The following SPTY2D1 variants were observed in gnomAD, a reference collection of about 807,000 sequenced individuals.
SPTY2D1 encodes protein SPT2 homolog.
Under a neutral mutation model 64.0 loss-of-function variants are expected in SPTY2D1, and 21 were observed. The ratio of observed to expected loss-of-function variants is 0.33; its 90% CI spans 0.23 to 0.47. SPTY2D1 has a LOEUF of 0.47. Among genes scored for constraint, SPTY2D1 ranks in the 20% least tolerant of loss-of-function variants. The pLI, the probability that SPTY2D1 is intolerant of heterozygous loss-of-function variation, is 1.00. For synonymous variants in SPTY2D1, 287 were observed against 286.8 expected (o/e 1.00, Z -0.01); for missense variants, 724 against 837.2 (o/e 0.86, Z 1.67).
In SPTY2D1 at chr11:18,612,228, TC is replaced by T; in HGVS notation, c.1886+85del. 1 of 1,079,076 alleles carries T rather than the reference TC, an allele frequency of 9.3e-7. No homozygotes were observed. The allele number at this position is 1,079,076 out of a possible 1,614,324, so 66.8% of individuals were successfully genotyped here. On this transcript the variant is annotated intron_variant, in intron 4 of 5. Transcript: ENST00000336349. This position sits in a 1 kb window ranked among gnomAD's most constrained non-coding sequence, Gnocchi z 4.6. ...CTAATTAAGAATTGTATTCAGTGCC[TC>T]CACTATTAGTTTATTACCCCATGAC...
In SPTY2D1 at chr11:18,614,751, T is replaced by C; in HGVS notation, c.1523A>G (p.Asn508Ser). 2 of 1,613,618 alleles carry C rather than the reference T, an allele frequency of 1.2e-6. No homozygotes were observed. Among genetic ancestry groups the C allele is most frequent in the African/African-American group, 2.7e-5 (2 of 75,066 alleles). The change falls in exon 3 of 6, where the codon AAT becomes AGT. Residue 508 changes from asparagine (N) to serine (S), a missense_variant. Asn to Ser is a conservative substitution (Grantham distance 46). Around this residue, in one of 3 missense-constraint regions of SPTY2D1, gnomAD observed 426 missense variants for 431.8 expected, o/e 0.99. Transcript: ENST00000336349. ...GSIPAGRTVS[N>S]SVPGRPVSSL... ...GCTCACTGGTCTTCCTGGGACTGAA[T>C]TACTGACAGTCCGTCCAGCTGGAAT...
intron 1 of SPTY2D1, among the ~76,000 whole-genome samples, chr11:18,633,392 T>A (rs1208709893): frequency 6.6e-6 from 1 of 152,230 alleles, no homozygotes; most frequent in Non-Finnish European, 1.5e-5. Context: ...GGGTACCATC[T>A]GAAAATCTGG....
At chr11:18,613,504 T>C (rs1426013974) in intron 3 of SPTY2D1, among the ~76,000 whole-genome samples, 1 of 152,224 alleles carries the variant, frequency 6.6e-6, no homozygotes, top group Non-Finnish European at 1.5e-5. Flanking sequence ...GGCTATCCCA[T>C]GCATTGTTTG....
rs12795249 is a variant in SPTY2D1 at position 18,615,413 on chromosome 11, C to T, written c.861G>A (p.Arg287=). ...AGCTATTGCCAGATCCTGCCTTGAT[C>T]CTCTCTCCTGGCATGGATTTGGATG... ...LSSSKSMPGE[R]IKAGSGNSSQ... The change falls in exon 3 of 6, where the codon AGG becomes AGA. Residue 287 remains arginine (R), a synonymous_variant. Transcript: ENST00000336349. 0.015 allele frequency: 24,300 copies of T among 1,614,194 alleles called. 254 individuals are homozygous for T. Among genetic ancestry groups the T allele is most frequent in the Middle Eastern group, 0.033 (203 of 6,060 alleles).
Position 18,615,284 on chromosome 11 carries a change from G to A in SPTY2D1, c.990C>T (p.Ser330=), listed in dbSNP as rs760220402. 6.2e-7 allele frequency: 1 copy of A among 1,614,202 alleles called. No homozygotes were observed. The highest frequency in any genetic ancestry group is 2.2e-5 in the East Asian group (1 of 44,886). ...SSPSVPKTSA[S]RTQKSAVEHK... ...GCTCAACAGCAGATTTCTGAGTCCT[G>A]CTAGCAGAAGTCTTTGGGACACTTG... The change falls in exon 3 of 6, where the codon AGC becomes AGT. Residue 330 remains serine, a synonymous_variant. Transcript: ENST00000336349.
intron 1 of SPTY2D1, among the ~76,000 whole-genome samples, chr11:18,632,214 T>G (rs1854600017): frequency 6.6e-6 from 1 of 152,120 alleles, no homozygotes; most frequent in Non-Finnish European, 1.5e-5. Context: ...CCTCAATAGT[T>G]TCTTTTGTGA....
chr11:18,609,592 T>C lies in SPTY2D1; in HGVS notation c.*269A>G, dbSNP rs1565157343. ...GTGAGTGGCCCCACATTAGAGTGCA[T>C]AGCTCATCAGGATCAAGGCTGGCAT... On this transcript the variant is annotated 3_prime_UTR_variant, in exon 6 of 6. Coordinates refer to ENST00000336349, the MANE Select transcript of SPTY2D1 (RefSeq NM_194285.3). 4 of 448,740 alleles carry C rather than the reference T, an allele frequency of 8.9e-6. No homozygotes were observed. In the Admixed American group the frequency reaches 1.2e-4, roughly 13 times the overall value. The allele number at this position is 448,740 out of a possible 1,614,324, so 27.8% of individuals were successfully genotyped here. A position where few individuals can be genotyped will look rare whatever the true frequency, so the allele number is the denominator to read the frequency against.
rs71050616 is a variant in SPTY2D1, at chr11:18,617,625, C to CAAA, written c.61-639_61-637dup. ...CGGGCGACAAAGTAAGACTCCGTCT[C>CAAA]AAAAAAAAAAAAAAAAAAAAAAAAA... On this transcript the variant is annotated intron_variant, in intron 1 of 5. Transcript: ENST00000336349. Among the ~76,000 whole-genome samples the CAAA allele has an allele frequency of 1.6e-3, 106 of 66,352 alleles. 1 individual carries two copies. The East Asian group carries it at 0.023, about 14-fold the overall frequency. 43.5% of individuals were successfully genotyped at this position (66,352 alleles called of 152,430 possible).
rs193144750 is a variant in SPTY2D1 at position 18,616,133 on chromosome 11, C to T, written c.176-35G>A. The T allele has an allele frequency of 8.3e-4, 1,274 of 1,535,224 alleles. 6 individuals are homozygous for T. The highest frequency in any genetic ancestry group is 4.6e-3 in the Admixed American group (225 of 48,942). On this transcript the variant is annotated intron_variant, in intron 2 of 5. Coordinates refer to ENST00000336349, the MANE Select transcript of SPTY2D1 (RefSeq NM_194285.3). ...ACAAAACAAGAATATGTTATTACTT[C>T]GAGATCTCAAGATTGCAGTATGCTC... is the stretch of plus-strand genomic sequence containing the variant.
Position 18,612,397 on chromosome 11 carries a change from C to A in SPTY2D1, c.1803G>T (p.Met601Ile). 6.2e-7 allele frequency: 1 copy of A among 1,611,300 alleles called. No homozygotes were observed. The highest frequency in any genetic ancestry group is 8.5e-7 in the Non-Finnish European group (1 of 1,178,184). ...DDDDDEYDSE[M>I]EDFIEDEGEP... ...CTCCTTCATCTTCAATAAAATCTTC[C>A]ATTTCAGAGTCGTATTCATCATCAT... The change falls in exon 4 of 6, where the codon ATG (methionine) becomes ATT (isoleucine). Residue 601 changes from methionine (M) to isoleucine (I), a missense_variant. Physicochemically the swap from Met to Ile is conservative, Grantham distance 10 (BLOSUM62 1). Coordinates refer to ENST00000336349, the MANE Select transcript of SPTY2D1 (RefSeq NM_194285.3). This position sits in a 1 kb window ranked among gnomAD's most constrained non-coding sequence, Gnocchi z 4.6.
Position 18,615,917 on chromosome 11 carries a change from G to A in SPTY2D1, c.357C>T (p.Thr119=), listed in dbSNP as rs976264170. 10 of 1,614,030 alleles carry A rather than the reference G, an allele frequency of 6.2e-6. No homozygotes were observed. Among genetic ancestry groups the A allele is most frequent in the Middle Eastern group, 1.6e-4 (1 of 6,062 alleles). The change falls in exon 3 of 6, where the codon ACC becomes ACT. Residue 119 remains threonine (T), a synonymous_variant. Coordinates refer to ENST00000336349, the MANE Select transcript of SPTY2D1 (RefSeq NM_194285.3). ...CTTCTTCCATTTCATACTCTCGGTC[G>A]GTTCCTTGGCTGGTATGGCTTTCTG... ...QATESHTSQG[T]DREYEMEEEN...
At chr11:18,623,441 A>C (rs1590404376) in intron 1 of SPTY2D1, among the ~76,000 whole-genome samples, 1 of 151,074 alleles carries the variant, frequency 6.6e-6, no homozygotes, top group East Asian at 1.9e-4. Flanking sequence ...GAAATCGTAT[A>C]ATATGTAGCT....
At chr11:18,610,173 C>T in intron 5 of SPTY2D1, 1 of 449,368 alleles carries the variant, frequency 2.2e-6, no homozygotes, top group East Asian at 3.4e-5. Flanking sequence ...ACCACAAAAA[C>T]CTTACTATTT....
At position 18,615,496 on chromosome 11, in the gene SPTY2D1, G is replaced by A; in HGVS notation, c.778C>T (p.His260Tyr). ...CTGGGTCTTGATTTCTTCTCAGCAT[G>A]AGGAAGGGGCATTCCTTTGGAAGAA... The part of the protein sequence containing the change: ...HPSSKGMPLP[H>Y]AEKKSRPSMA... Residue 260 changes from histidine to tyrosine, a missense_variant, in exon 3 of 6, where the codon CAT becomes TAT. Coordinates refer to ENST00000336349, the MANE Select transcript of SPTY2D1 (RefSeq NM_194285.3). The A allele has an allele frequency of 1.2e-6, 2 of 1,614,216 alleles. No individual in the cohort carries two copies. The highest frequency in any genetic ancestry group is 1.7e-6 in the Non-Finnish European group (2 of 1,180,050).
At chr11:18,623,632 T>TGG (rs1393800633) in intron 1 of SPTY2D1, among the ~76,000 whole-genome samples, 2 of 152,188 alleles carry the variant, frequency 1.3e-5, no homozygotes, top group Non-Finnish European at 2.9e-5. Context: ...AATGAAGGCA[T>TGG]AAGAGCAAAA....
chr11:18,617,625 CAAAAAAAAAA>C (rs71050616), intron 1 of SPTY2D1, among the ~76,000 whole-genome samples: 1 of 66,376 alleles, frequency 1.5e-5, no homozygotes, highest in African/African-American at 6.2e-5. Context: ...GACTCCGTCT[CAAAAAAAAAA>C]AAAAAAAAAA....
At chr11:18,617,169 C>T (rs1031710990) in intron 1 of SPTY2D1, among the ~76,000 whole-genome samples, 180 bp from the exon 2 acceptor site, 6 of 152,246 alleles carry the variant, frequency 3.9e-5, no homozygotes, top group Middle Eastern at 3.4e-3. Flanking sequence ...CTATTTATTA[C>T]GTATGGTGAT....
intron 1 of SPTY2D1, among the ~76,000 whole-genome samples, chr11:18,628,909 T>C (rs1337553168): frequency 3.3e-5 from 5 of 152,238 alleles, no homozygotes; most frequent in Non-Finnish European, 7.3e-5. Flanking sequence ...TCATTTTTTA[T>C]GCAGACTACT....
At chr11:18,627,636 T>G (rs1215256977) in intron 1 of SPTY2D1, among the ~76,000 whole-genome samples, 1 of 152,044 alleles carries the variant, frequency 6.6e-6, no homozygotes, top group Non-Finnish European at 1.5e-5. Flanking sequence ...TCCACCACTT[T>G]GGGAGGCCGA....
Sources: allele counts gnomAD v4.1 joint callset (sites outside exome capture counted in the v4.1 genomes callset), GRCh38; gene constraint gnomAD v4.1.1; regional missense constraint gnomAD v4.1.1; non-coding constraint Gnocchi (gnomAD v3.1); transcripts MANE v1.5; gene names NCBI Gene and HGNC (gene_info 2026-07-23, HGNC 2026-07-21).